Variants in USH2A observed in about 807,000 individuals in gnomAD.
The protein encoded by USH2A is usherin, also known as Usher syndrome 2A (autosomal recessive, mild).
A neutral mutation model predicts 538.9 loss-of-function variants in USH2A; 443 were observed. The ratio of observed to expected loss-of-function variants is 0.82; its 90% CI spans 0.76 to 0.89. The LOEUF is 0.89. Ranked by LOEUF, USH2A falls within the 40% of genes least tolerant of loss-of-function variation. The pLI is 0.00. For missense variants in USH2A, 6,633 were observed against 6,324.8 expected, an observed-to-expected ratio of 1.05 and a Z score of -1.65; for synonymous variants, 2,413 against 2,273.5, an observed-to-expected ratio of 1.06 and a Z score of -1.75.
rs1222630748 is a variant in USH2A, at chr1:215,743,276, T to TACACA, written c.11448_11449insTGTGT (p.Thr3817CysfsTer20). 1 of 1,610,978 alleles carries TACACA rather than the reference T, an allele frequency of 6.2e-7. No homozygotes were observed. The highest frequency in any genetic ancestry group is 1.3e-5 in the African/African-American group (1 of 74,270). On this transcript the variant is annotated frameshift_variant, in exon 59 of 72. Coordinates refer to ENST00000307340, the MANE Select transcript of USH2A (RefSeq NM_206933.4). LOFTEE classifies it high-confidence loss of function. ...TGACCAACGGAGAAGGCCAGAGGTG[T>TACACA]TACACTTCCATCATTGAGTAAGACA... is the stretch of plus-strand genomic sequence containing the variant.
intron 30 of USH2A, among the ~76,000 whole-genome samples, chr1:216,053,323 AT>A (rs2102531089): frequency 6.6e-6 from 1 of 152,282 alleles, no homozygotes; most frequent in African/African-American, 2.4e-5. Flanking sequence ...AAAATAGAAA[AT>A]GCGGTAGTTG....
At chr1:216,102,801 A>AAAAC (rs111682237) in intron 21 of USH2A, among the ~76,000 whole-genome samples, 6,564 of 152,168 alleles carry the variant, frequency 0.043, 466 homozygotes, top group African/African-American at 0.15. Flanking sequence ...TTCCGTCTCA[A>AAAAC]AAACAAACAA....
At chr1:216,409,973 A>G (rs1269091217) in intron 3 of USH2A, among the ~76,000 whole-genome samples, 5 of 152,102 alleles carry the variant, frequency 3.3e-5, no homozygotes, top group Non-Finnish European at 1.5e-5. Flanking sequence ...CATCTGGCAA[A>G]GGTCTGATAG....
At chr1:216,163,035 T>A (rs1366468697) in intron 21 of USH2A, among the ~76,000 whole-genome samples, 1 of 152,016 alleles carries the variant, frequency 6.6e-6, no homozygotes, top group Non-Finnish European at 1.5e-5. Flanking sequence ...TGTCTCTGCT[T>A]GAGCTCAATA....
At chr1:216,306,173 T>G (rs562390245) in intron 9 of USH2A, among the ~76,000 whole-genome samples, 65 of 152,280 alleles carry the variant, frequency 4.3e-4, no homozygotes, top group African/African-American at 1.4e-3. Context: ...TCGTTTAACA[T>G]AATCCCAAAC....
At chr1:216,134,433 G>A (rs545064188) in intron 21 of USH2A, among the ~76,000 whole-genome samples, 6 of 152,144 alleles carry the variant, frequency 3.9e-5, no homozygotes, top group Admixed American at 3.3e-4. Context: ...CCAGGTAGCA[G>A]AACAGAATAA....
intron 13 of USH2A, 145 bp downstream of exon 13, chr1:216,246,440 A>ATT (rs758915181): frequency 6.2e-6 from 6 of 962,902 alleles, no homozygotes; most frequent in Non-Finnish European, 9.3e-6. Flanking sequence ...AAATAGTTAT[A>ATT]TATGTGTTGG....
At chr1:215,700,650 G>A (rs963558220) in intron 61 of USH2A, among the ~76,000 whole-genome samples, 4 of 152,112 alleles carry the variant, frequency 2.6e-5, no homozygotes, top group Non-Finnish European at 4.4e-5. Flanking sequence ...GATCAGTAGC[G>A]ATATTCCCTT....
At chr1:216,007,051 C>T (rs913046638) in intron 32 of USH2A, among the ~76,000 whole-genome samples, 6 of 152,092 alleles carry the variant, frequency 3.9e-5, no homozygotes, top group South Asian at 2.1e-4. Flanking sequence ...GTAGTGAATA[C>T]GTCTCATGAG....
At chr1:215,646,840 T>C (rs566923295) in intron 67 of USH2A, among the ~76,000 whole-genome samples, 21 of 152,194 alleles carry the variant, frequency 1.4e-4, no homozygotes, top group Non-Finnish European at 2.6e-4. Context: ...TTATCTTTTA[T>C]ATCAGATTTT....
At chr1:216,355,421 T>C (rs991520221) in intron 4 of USH2A, among the ~76,000 whole-genome samples, 5 of 151,630 alleles carry the variant, frequency 3.3e-5, no homozygotes, top group African/African-American at 1.2e-4. Flanking sequence ...ATATAAATAG[T>C]GGCTGATATC....
At chr1:215,929,624 G>A (rs1666315933) in intron 38 of USH2A, among the ~76,000 whole-genome samples, 1 of 151,936 alleles carries the variant, frequency 6.6e-6, no homozygotes, top group African/African-American at 2.4e-5. Context: ...GAACAAAAGA[G>A]GTAGGAAGCA....
chr1:216,366,365 G>GC (rs2038595591), intron 3 of USH2A, among the ~76,000 whole-genome samples: 1 of 152,048 alleles, frequency 6.6e-6, no homozygotes. Flanking sequence ...CCACTCTGGT[G>GC]CAGGGCTTTA....
intron 9 of USH2A, among the ~76,000 whole-genome samples, chr1:216,317,937 T>A (rs2037539463): frequency 6.6e-6 from 1 of 152,164 alleles, no homozygotes; most frequent in South Asian, 2.1e-4. Flanking sequence ...TTAAAACTGT[T>A]TAAACACTGT....
At chr1:216,307,196 G>C (rs2037333920) in intron 9 of USH2A, among the ~76,000 whole-genome samples, 1 of 152,116 alleles carries the variant, frequency 6.6e-6, no homozygotes, top group Non-Finnish European at 1.5e-5. Context: ...TAGGGTCAGG[G>C]TTAGGTGTGT....
intron 66 of USH2A, 125 bp from the exon 67 acceptor site, chr1:215,647,855 T>C: frequency 8.7e-7 from 1 of 1,147,334 alleles, no homozygotes; most frequent in South Asian, 1.3e-5. Flanking sequence ...CTCTTTAAAA[T>C]TTCCATTTGC....
chr1:216,278,310 A>G (rs1326320688), intron 11 of USH2A, among the ~76,000 whole-genome samples: 1 of 152,110 alleles, frequency 6.6e-6, no homozygotes, highest in Non-Finnish European at 1.5e-5. Flanking sequence ...TTACAACTCC[A>G]TCTATTTTTA....
At chr1:216,184,849 T>C (rs2034566931) in intron 20 of USH2A, among the ~76,000 whole-genome samples, 1 of 151,992 alleles carries the variant, frequency 6.6e-6, no homozygotes, top group Non-Finnish European at 1.5e-5. Context: ...CTATACATTT[T>C]ACTTTGCATT....
intron 38 of USH2A, among the ~76,000 whole-genome samples, chr1:215,909,310 A>G (rs1215984755): frequency 6.6e-6 from 1 of 151,934 alleles, no homozygotes; most frequent in African/African-American, 2.4e-5. Flanking sequence ...GAATGAATAG[A>G]TGGAACACGG....
Sources: allele counts gnomAD v4.1 joint callset (sites outside exome capture counted in the v4.1 genomes callset), GRCh38; gene constraint gnomAD v4.1.1; transcripts MANE v1.5; gene names NCBI Gene and HGNC (gene_info 2026-07-23, HGNC 2026-07-21).